Variants in SNX14 observed in about 807,000 individuals in gnomAD.
The protein encoded by SNX14 is sorting nexin-14.
Under a neutral mutation model 133.8 loss-of-function variants are expected in SNX14, and 93 were observed. The ratio of observed to expected loss-of-function variants is 0.70; its 90% CI spans 0.59 to 0.83. The LOEUF is 0.83. Among genes scored for constraint, SNX14 ranks in the 40% least tolerant of loss-of-function variants. The pLI is 0.00. For synonymous variants in SNX14, 368 were observed against 365.6 expected (o/e 1.01, Z -0.07); for missense variants, 945 against 1,094.9 (o/e 0.86, Z 1.93).
chr6:85,543,805 AATT>A (rs1784609449), intron 12 of SNX14, 45 bp from the exon 13 acceptor site: 1 of 1,216,250 alleles, frequency 8.2e-7, no homozygotes, highest in Admixed American at 3.2e-5. Flanking sequence ...TTTAATATAT[AATT>A]ATTCATAAAA....
chr6:85,571,531 T>C (rs1315044553), intron 4 of SNX14, among the ~76,000 whole-genome samples: 3 of 152,160 alleles, frequency 2.0e-5, no homozygotes, highest in Non-Finnish European at 4.4e-5. Context: ...CTACCAACAA[T>C]ATACGTGACC....
chr6:85,530,779 T>C (rs1031733841), intron 18 of SNX14, among the ~76,000 whole-genome samples: 1 of 152,354 alleles, frequency 6.6e-6, no homozygotes, highest in South Asian at 2.1e-4. Flanking sequence ...AAGTGACTGA[T>C]AAATTTCATC....
At chr6:85,537,577 C>G (rs1239732400) in intron 16 of SNX14, among the ~76,000 whole-genome samples, 1 of 152,070 alleles carries the variant, frequency 6.6e-6, no homozygotes, top group Non-Finnish European at 1.5e-5. Flanking sequence ...GACAAATAAG[C>G]CAAAAGTAGC....
rs916961135 is a variant in SNX14, at chr6:85,536,604, G to A, written c.1608+188C>T. ...CAGGAATTTTAAAAATTAGATTCAC[G>A]TCATGAAACTATCACAACTAATGAA... On this transcript the variant is annotated intron_variant, in intron 17 of 28. Transcript: ENST00000314673. Among the ~76,000 whole-genome samples, 9 of 152,156 alleles carry A rather than the reference G, an allele frequency of 5.9e-5. No homozygotes were observed. The South Asian group carries it at 6.2e-4, about 11-fold the overall frequency.
rs1803646429 is a variant in SNX14, at chr6:85,593,561, T to A, written c.140+18A>T. 4 of 1,600,308 alleles carry A rather than the reference T, an allele frequency of 2.5e-6. No homozygotes were observed. The highest frequency in any genetic ancestry group is 3.4e-6 in the Non-Finnish European group (4 of 1,174,030). On this transcript the variant is annotated intron_variant, in intron 1 of 28. Coordinates refer to ENST00000314673, the MANE Select transcript of SNX14 (RefSeq NM_153816.6). ...TTCGGAGAAAAGCCGCCGCCCAGGC[T>A]CCGCGCTGCGGCGTTACCTGTTAAG...
intron 23 of SNX14, 126 bp downstream of exon 23, chr6:85,517,630 C>A: frequency 8.7e-7 from 1 of 1,149,722 alleles, no homozygotes; most frequent in Admixed American, 2.7e-5. Flanking sequence ...CAACTGATTT[C>A]CACATAAAGG....
intron 26 of SNX14, among the ~76,000 whole-genome samples, chr6:85,508,846 T>C (rs537614148): frequency 2.0e-5 from 3 of 152,322 alleles, no homozygotes; most frequent in African/African-American, 7.2e-5. Context: ...GTTATTCTTA[T>C]ATAAACAAGG....
In SNX14 at chr6:85,569,523, G is replaced by A. The variant is rs138356257; in HGVS notation, c.418-1946C>T. 6.9e-3 allele frequency among the ~76,000 whole-genome samples: 1,055 copies of A among 152,258 alleles called. 11 individuals carry two copies. Among genetic ancestry groups the A allele is most frequent in the African/African-American group, 0.024 (983 of 41,542 alleles). ...CCTTTTCACTCCCAGTGTACCCTAT[G>A]AGTCACATGTGAAAATTCAAGAAAA... On this transcript the variant is annotated intron_variant, in intron 4 of 28. Coordinates refer to ENST00000314673, the MANE Select transcript of SNX14 (RefSeq NM_153816.6).
chr6:85,509,973 C>T (rs914862769), intron 26 of SNX14, among the ~76,000 whole-genome samples: 6 of 152,174 alleles, frequency 3.9e-5, no homozygotes, highest in Non-Finnish European at 7.4e-5. Context: ...CATGATGTGA[C>T]AGCTCATTCC....
At chr6:85,528,483 A>G (rs764922459) in intron 19 of SNX14, 121 bp from the exon 20 acceptor site, 74 of 558,140 alleles carry the variant, frequency 1.3e-4, no homozygotes, top group Non-Finnish European at 1.9e-4. Flanking sequence ...TACAGATGTG[A>G]CATTACTCTT....
At chr6:85,559,244 A>G (rs1316160702) in intron 6 of SNX14, among the ~76,000 whole-genome samples, 1 of 152,166 alleles carries the variant, frequency 6.6e-6, no homozygotes, top group East Asian at 1.9e-4. Flanking sequence ...CTAGTATTAT[A>G]CCTCATTGAA....
chr6:85,526,268 G>T, intron 20 of SNX14, 31 bp from the exon 21 acceptor site: 3 of 1,421,014 alleles, frequency 2.1e-6, no homozygotes, highest in Non-Finnish European at 9.7e-7. Flanking sequence ...GGAAAACACA[G>T]TTTAGAAATC....
chr6:85,526,105 T>A (rs748347148), intron 21 of SNX14, 21 bp downstream of exon 21: 1 of 1,418,206 alleles, frequency 7.1e-7, no homozygotes, highest in East Asian at 2.3e-5. Flanking sequence ...TATCTTATAA[T>A]GATTCTTTAA....
At position 85,513,913 on chromosome 6, in the gene SNX14, G is replaced by T; in HGVS notation, c.2558-18C>A. On this transcript the variant is annotated intron_variant, in intron 25 of 28. Transcript: ENST00000314673. ...TATAGCATCTAAAAAAGAGTAAAAA[G>T]AAATATTTCTGGAATTTTCATCTAT... The T allele has an allele frequency of 6.3e-7, 1 of 1,593,622 alleles. No individual in the cohort carries two copies. Among genetic ancestry groups the T allele is most frequent in the Non-Finnish European group, 8.5e-7 (1 of 1,170,922 alleles).
At chr6:85,537,349 G>GA (rs1013807784) in intron 16 of SNX14, among the ~76,000 whole-genome samples, 2,223 of 146,290 alleles carry the variant, frequency 0.015, 52 homozygotes, top group African/African-American at 0.051. Context: ...TTATGCGACA[G>GA]AAAAAAAAAA....
At chr6:85,556,472 CTTTT>C (rs371881772) in intron 7 of SNX14, among the ~76,000 whole-genome samples, 2 of 136,938 alleles carry the variant, frequency 1.5e-5, no homozygotes, top group Non-Finnish European at 1.5e-5. Flanking sequence ...TCACATTCAT[CTTTT>C]TTTTTTTTTT....
rs1467415034 is a variant in SNX14 at position 85,505,620 on chromosome 6, C to T, written c.*347G>A. 5 of 205,192 alleles carry T rather than the reference C, an allele frequency of 2.4e-5. No individual in the cohort carries two copies. In the Admixed American group the frequency reaches 3.0e-4, roughly 12 times the overall value. The allele number at this position is 205,192 out of a possible 1,614,324, so 12.7% of individuals were successfully genotyped here. ...ACTCTAAGAAAATCAGATCTTATTC[C>T]TGTTTCTCCATACTAGGCATAATTA... is the stretch of plus-strand genomic sequence containing the variant. On this transcript the variant is annotated 3_prime_UTR_variant, in exon 29 of 29. Transcript: ENST00000314673.
chr6:85,583,279 T>C (rs543049015), intron 1 of SNX14, among the ~76,000 whole-genome samples: 1 of 152,326 alleles, frequency 6.6e-6, no homozygotes, highest in East Asian at 1.9e-4. Flanking sequence ...GAGTTATTTA[T>C]GACAAACCCA....
chr6:85,510,395 T>C (rs759350304), intron 26 of SNX14, among the ~76,000 whole-genome samples: 1 of 152,218 alleles, frequency 6.6e-6, no homozygotes, highest in Non-Finnish European at 1.5e-5. Flanking sequence ...GTAGAACATC[T>C]TTTCATATGC....
Sources: gnomAD v4.1 joint callset for allele counts (sites outside exome capture counted in the v4.1 genomes callset) on GRCh38, gnomAD v4.1.1 for gene constraint, MANE v1.5 for transcripts, NCBI Gene and HGNC (gene_info 2026-07-23, HGNC 2026-07-21) for gene names.